FBXL17: variants seen among roughly 807,000 people sequenced by gnomAD.
FBXL17 encodes the protein F-box/LRR-repeat protein 17.
Under a neutral mutation model 66.2 loss-of-function variants are expected in FBXL17, and 22 were observed. That is an observed-to-expected ratio of 0.33 (90% CI 0.24 to 0.47). FBXL17 has a LOEUF of 0.47. FBXL17 is among the 20% of genes least tolerant of loss of function. The pLI is 1.00. For synonymous variants in FBXL17, 474 were observed against 400.5 expected (o/e 1.18, Z -2.19); for missense variants, 878 against 948.2 (o/e 0.93, Z 0.97).
At chr5:108,150,482 G>T (rs1751726611) in intron 6 of FBXL17, among the ~76,000 whole-genome samples, 1 of 152,248 alleles carries the variant, frequency 6.6e-6, no homozygotes, top group Non-Finnish European at 1.5e-5. Context: ...GGGATTATAG[G>T]CATGAGCCAC....
intron 5 of FBXL17, among the ~76,000 whole-genome samples, chr5:108,202,850 C>T (rs942321054): frequency 6.6e-5 from 10 of 152,102 alleles, no homozygotes; most frequent in Non-Finnish European, 1.3e-4. Flanking sequence ...TCTACTGGAT[C>T]CCCTTATTCA....
At position 107,924,467 on chromosome 5, in the gene FBXL17, A is replaced by C. The variant is rs968959386; in HGVS notation, c.1823-43288T>G. On this transcript the variant is annotated intron_variant, in intron 7 of 8. Coordinates refer to ENST00000542267, the MANE Select transcript of FBXL17 (RefSeq NM_001163315.3). ...AGAACTTCATGTCAAATTAATCATC[A>C]TTAATGAAGGTTTAGATTATTCAGA... Among the ~76,000 whole-genome samples, 3 of 152,334 alleles carry C rather than the reference A, an allele frequency of 2.0e-5. No homozygotes were observed. The East Asian group carries it at 5.8e-4, about 29-fold the overall frequency.
intron 7 of FBXL17, among the ~76,000 whole-genome samples, chr5:107,998,343 A>G (rs1021595854): frequency 6.6e-6 from 1 of 152,166 alleles, no homozygotes; most frequent in African/African-American, 2.4e-5. Context: ...TAGGCAAGTG[A>G]CAATACATAG....
chr5:108,206,614 G>C (rs918365769), intron 5 of FBXL17, among the ~76,000 whole-genome samples: 1 of 151,168 alleles, frequency 6.6e-6, no homozygotes, highest in African/African-American at 2.5e-5. Flanking sequence ...GAATTTCACA[G>C]ATGAAACAGA....
intron 6 of FBXL17, among the ~76,000 whole-genome samples, chr5:108,166,310 G>A (rs1408783949): frequency 1.3e-5 from 2 of 152,198 alleles, no homozygotes; most frequent in African/African-American, 2.4e-5. Context: ...AGAAAAATAA[G>A]CACCTGCCGG....
chr5:107,960,415 C>A (rs774085948), intron 7 of FBXL17, among the ~76,000 whole-genome samples: 3 of 152,166 alleles, frequency 2.0e-5, no homozygotes, highest in Non-Finnish European at 4.4e-5. Context: ...CATATTCCTT[C>A]TCTCTAACTG....
At chr5:107,864,651 T>C (rs1748223290) in intron 8 of FBXL17, among the ~76,000 whole-genome samples, 1 of 152,112 alleles carries the variant, frequency 6.6e-6, no homozygotes, top group Non-Finnish European at 1.5e-5. Context: ...TGTTTAAAAG[T>C]GTGTGTGGCA....
chr5:108,103,936 C>T (rs1456933918), intron 6 of FBXL17, among the ~76,000 whole-genome samples: 1 of 152,160 alleles, frequency 6.6e-6, no homozygotes, highest in Non-Finnish European at 1.5e-5. Flanking sequence ...ATCCTTTTCC[C>T]TCATTTTACA....
chr5:108,083,256 G>C (rs289241), intron 6 of FBXL17, among the ~76,000 whole-genome samples: 23,318 of 114,556 alleles, frequency 0.2, 2,190 homozygotes, highest in South Asian at 0.5. Context: ...CACACAGAGA[G>C]AGAGATAGAC....
rs553681393 is a variant in FBXL17, at chr5:107,921,224, GTTAA to G, written c.1823-40049_1823-40046del. ...ATTTTTATTTCCAACCAGTGGAAAA[GTTAA>G]TTATTTACACACTAGCAGCTCAATG... is the stretch of plus-strand genomic sequence containing the variant. On this transcript the variant is annotated intron_variant, in intron 7 of 8. Coordinates refer to ENST00000542267, the MANE Select transcript of FBXL17 (RefSeq NM_001163315.3). 3.3e-5 allele frequency among the ~76,000 whole-genome samples: 5 copies of G among 152,306 alleles called. No individual in the cohort carries two copies. In the South Asian group the frequency reaches 1.0e-3, roughly 32 times the overall value.
At chr5:108,113,228 T>C (rs957134145) in intron 6 of FBXL17, among the ~76,000 whole-genome samples, 3 of 152,124 alleles carry the variant, frequency 2.0e-5, no homozygotes, top group Admixed American at 6.6e-5. Context: ...GAAGACCACA[T>C]GGGCATGTGG....
chr5:107,968,152 C>T (rs1027096258), intron 7 of FBXL17, among the ~76,000 whole-genome samples: 4 of 152,052 alleles, frequency 2.6e-5, no homozygotes, highest in South Asian at 2.1e-4. Context: ...ATCAAAGAAA[C>T]AGAAAACAAT....
intron 3 of FBXL17, among the ~76,000 whole-genome samples, chr5:108,353,492 T>A (rs576426782): frequency 2.8e-4 from 42 of 152,228 alleles, no homozygotes; most frequent in Non-Finnish European, 5.4e-4. Context: ...TCACGGAGAA[T>A]ACTGGAGAGA....
intron 7 of FBXL17, among the ~76,000 whole-genome samples, chr5:107,892,918 T>A (rs1260130817): frequency 6.6e-6 from 1 of 152,216 alleles, no homozygotes; most frequent in African/African-American, 2.4e-5. Context: ...GAGAACTAGA[T>A]TAGAATACAG....
At chr5:107,901,533 T>C (rs1224916309) in intron 7 of FBXL17, among the ~76,000 whole-genome samples, 1 of 152,186 alleles carries the variant, frequency 6.6e-6, no homozygotes, top group Non-Finnish European at 1.5e-5. Context: ...AACGGGCCCA[T>C]GTAGGTAAAG....
At chr5:108,339,229 A>G (rs1746718768) in intron 4 of FBXL17, among the ~76,000 whole-genome samples, 2 of 152,224 alleles carry the variant, frequency 1.3e-5, no homozygotes, top group Non-Finnish European at 2.9e-5. Context: ...CTAAAACCCT[A>G]GAACCTCATT....
chr5:108,319,391 G>A (rs904470062), intron 4 of FBXL17, among the ~76,000 whole-genome samples: 4 of 151,678 alleles, frequency 2.6e-5, no homozygotes, highest in African/African-American at 9.7e-5. Context: ...ATTTGGTTGG[G>A]ACAAGTAACT....
intron 6 of FBXL17, among the ~76,000 whole-genome samples, chr5:108,159,079 A>C (rs1025133955): frequency 6.6e-6 from 1 of 152,174 alleles, no homozygotes; most frequent in African/African-American, 2.4e-5. Flanking sequence ...GCAATCTTTT[A>C]GATTTAGATG....
chr5:107,942,793 CCTAT>C (rs1751154917), intron 7 of FBXL17, among the ~76,000 whole-genome samples: 1 of 148,438 alleles, frequency 6.7e-6, no homozygotes, highest in South Asian at 2.1e-4. Context: ...AAAAAAAAAA[CCTAT>C]CTGATTTCTT....
Sources: gnomAD v4.1 joint callset for allele counts (sites outside exome capture counted in the v4.1 genomes callset) on GRCh38, gnomAD v4.1.1 for gene constraint, MANE v1.5 for transcripts, NCBI Gene and HGNC (gene_info 2026-07-23, HGNC 2026-07-21) for gene names.